EPB41: variants seen among roughly 807,000 people sequenced by gnomAD.
EPB41 encodes the protein protein 4.1.
Under a neutral mutation model 108.0 loss-of-function variants are expected in EPB41, and 65 were observed. That is an observed-to-expected ratio of 0.60 (90% CI 0.49 to 0.74). EPB41 has a LOEUF of 0.74. Among genes scored for constraint, EPB41 ranks in the 30% least tolerant of loss-of-function variants. The pLI, the probability that EPB41 is intolerant of heterozygous loss-of-function variation, is 0.00. For synonymous variants in EPB41, 336 were observed against 358.9 expected (o/e 0.94, Z 0.72); for missense variants, 875 against 1,037.0 (o/e 0.84, Z 2.15).
At chr1:29,048,785 G>A (rs1300107876) in intron 11 of EPB41, among the ~76,000 whole-genome samples, 8 of 152,038 alleles carry the variant, frequency 5.3e-5, no homozygotes, top group Non-Finnish European at 8.8e-5. Flanking sequence ...TCCAGGCACT[G>A]TTCTATCTTT....
At chr1:29,111,950 C>T (rs1669311635) in intron 18 of EPB41, among the ~76,000 whole-genome samples, 1 of 150,696 alleles carries the variant, frequency 6.6e-6, no homozygotes, top group African/African-American at 2.4e-5. Flanking sequence ...ACACTCCAGC[C>T]TGGACAACAG....
chr1:28,970,466 TTG>T (rs1273833838), intron 1 of EPB41, among the ~76,000 whole-genome samples: 1 of 152,218 alleles, frequency 6.6e-6, no homozygotes, highest in African/African-American at 2.4e-5. Flanking sequence ...TAAAACCCCT[TTG>T]TAGCTAGAAA....
intron 16 of EPB41, among the ~76,000 whole-genome samples, chr1:29,092,327 G>C (rs1661555758): frequency 1.3e-5 from 2 of 151,822 alleles, no homozygotes; most frequent in Admixed American, 6.6e-5. Flanking sequence ...CCCAACCTCA[G>C]GTGATCCGCC....
chr1:29,057,493 G>C (rs1284015194), intron 12 of EPB41, among the ~76,000 whole-genome samples: 1 of 151,144 alleles, frequency 6.6e-6, no homozygotes, highest in Non-Finnish European at 1.5e-5. Flanking sequence ...CACTAATTTT[G>C]GTGCTCTCTT....
At chr1:28,956,842 A>G (rs1340355132) in intron 1 of EPB41, among the ~76,000 whole-genome samples, 2 of 152,244 alleles carry the variant, frequency 1.3e-5, no homozygotes, top group African/African-American at 4.8e-5. Flanking sequence ...ACATGAAATA[A>G]TAGAGGACAC....
Position 29,117,371 on chromosome 1 carries a change from A to ATGCCCC in EPB41, c.*562_*567dup, listed in dbSNP as rs1671184135. The ATGCCCC allele has an allele frequency of 6.5e-6, 1 of 152,726 alleles. No individual in the cohort carries two copies. The highest frequency in any genetic ancestry group is 2.4e-5 in the African/African-American group (1 of 41,464). 9.5% of individuals were successfully genotyped at this position (152,726 alleles called of 1,614,324 possible). A position where few individuals can be genotyped will look rare whatever the true frequency, so the allele number is the denominator to read the frequency against. On this transcript the variant is annotated 3_prime_UTR_variant, in exon 21 of 21. Coordinates refer to ENST00000343067, the MANE Select transcript of EPB41 (RefSeq NM_001376013.1). ...GCCCTGATCCACAGACCTCGGAAAG[A>ATGCCCC]TGCCCCTGTTCCTTTGTTGCGGGTG...
intron 1 of EPB41, among the ~76,000 whole-genome samples, chr1:28,946,853 C>T (rs2094505145): frequency 2.0e-5 from 3 of 152,086 alleles, no homozygotes; most frequent in Admixed American, 2.0e-4. Context: ...TTCATAAGGG[C>T]AAACAAGGTA....
chr1:28,987,852 C>T lies in EPB41; in HGVS notation c.415C>T (p.Leu139Phe), dbSNP rs772686614. Residue 139 changes from leucine to phenylalanine, a missense_variant, in exon 2 of 21, where the codon CTC (leucine) becomes TTC (phenylalanine). Around this residue, in one of 3 missense-constraint regions of EPB41, gnomAD observed 353 missense variants for 393.2 expected, o/e 0.90. Coordinates refer to ENST00000343067, the MANE Select transcript of EPB41 (RefSeq NM_001376013.1). ...KAPIAAPEPE[L>F]KTDPSLDLHS... Reference sequence around the variant, plus strand: ...CCCAATTGCAGCTCCTGAACCGGAACTCAAAACAGACCCATCTTTGGATCT... The same window carrying T: ...CCCAATTGCAGCTCCTGAACCGGAATTCAAAACAGACCCATCTTTGGATCT... The T allele has an allele frequency of 1.3e-5, 21 of 1,614,110 alleles. 1 individual carries two copies. The South Asian group carries it at 2.1e-4, about 16-fold the overall frequency.
At position 29,055,033 on chromosome 1, in the gene EPB41, G is replaced by A. The variant is rs149947478; in HGVS notation, c.1845+1721G>A. On this transcript the variant is annotated intron_variant, in intron 12 of 20. Coordinates refer to ENST00000343067, the MANE Select transcript of EPB41 (RefSeq NM_001376013.1). ...AGCCTGAGTGACAGAGCAAGACTCC[G>A]TCTCAAAAAATAATAATAATAAATA... 4.4e-3 allele frequency among the ~76,000 whole-genome samples: 674 copies of A among 152,068 alleles called. 20 individuals carry two copies. Among genetic ancestry groups the A allele is most frequent in the Non-Finnish European group, 7.8e-4 (53 of 67,980 alleles).
At chr1:29,059,602 CCCA>C (rs1646155419) in intron 14 of EPB41, among the ~76,000 whole-genome samples, 3 of 151,604 alleles carry the variant, frequency 2.0e-5, no homozygotes, top group African/African-American at 4.9e-5. Flanking sequence ...ATAGGGAGAC[CCCA>C]TCTCTTCAAA....
chr1:28,985,755 G>C (rs2095857194), intron 1 of EPB41: 2 of 152,062 alleles, frequency 1.3e-5, no homozygotes, highest in Non-Finnish European at 2.9e-5. Flanking sequence ...ATCACAACCA[G>C]TTATAGATGT....
At chr1:28,907,060 C>T (rs908286977) in intron 1 of EPB41, among the ~76,000 whole-genome samples, 5 of 141,116 alleles carry the variant, frequency 3.5e-5, no homozygotes, top group African/African-American at 1.1e-4. Context: ...CGTGAGCCAC[C>T]ATGCCTGGCC....
In EPB41 at chr1:29,022,384, A is replaced by AAAG. The variant is rs1553246760; in HGVS notation, c.1124+3944_1124+3945insGAA. On this transcript the variant is annotated intron_variant, in intron 7 of 20. Coordinates refer to ENST00000343067, the MANE Select transcript of EPB41 (RefSeq NM_001376013.1). ...GCCATTGATATAATAAAAAAAAAAA[A>AAAG]AAAAAAAGAAACTGCCATTGATAAG... 3.6e-3 allele frequency among the ~76,000 whole-genome samples: 549 copies of AAAG among 151,300 alleles called. 6 individuals carry two copies. Among genetic ancestry groups the AAAG allele is most frequent in the African/African-American group, 0.012 (510 of 41,390 alleles).
At position 29,097,933 on chromosome 1, in the gene EPB41, C is replaced by G; in HGVS notation, c.2311C>G (p.Gln771Glu). 1 of 1,613,962 alleles carries G rather than the reference C, an allele frequency of 6.2e-7. No individual in the cohort carries two copies. Among genetic ancestry groups the G allele is most frequent in the Non-Finnish European group, 8.5e-7 (1 of 1,179,866 alleles). ...ETKTITYEAA[Q>E]TDDNSGDLDP... ...CAAGACCATCACTTATGAGGCTGCCCAGGTAGGACATGTTTTGATGCTTCA... is the reference window on the plus strand; with the variant it reads ...CAAGACCATCACTTATGAGGCTGCCGAGGTAGGACATGTTTTGATGCTTCA... Residue 771 changes from glutamine to glutamate, a missense_variant and splice_region_variant, in exon 17 of 21, where the codon CAG becomes GAG. Transcript: ENST00000343067.
chr1:28,906,770 C>CT (rs1331252977), intron 1 of EPB41, among the ~76,000 whole-genome samples: 1 of 142,368 alleles, frequency 7.0e-6, no homozygotes, highest in Admixed American at 7.1e-5. Flanking sequence ...CCTAACTTTT[C>CT]TTTTTTTTTC....
chr1:28,910,557 C>T (rs560824707), upstream of EPB41, among the ~76,000 whole-genome samples: 47 of 152,082 alleles, frequency 3.1e-4, no homozygotes, highest in Non-Finnish European at 4.7e-4. Context: ...ATGGTTTCCC[C>T]GCCCCTCCCC....
chr1:28,936,898 T>G (rs971422620), intron 1 of EPB41, among the ~76,000 whole-genome samples: 13 of 152,220 alleles, frequency 8.5e-5, no homozygotes, highest in African/African-American at 3.1e-4. Flanking sequence ...TTTATTTGAA[T>G]ATGTGTTTTT....
chr1:28,897,290 C>T lies in EPB41; in HGVS notation c.-8+10080C>T, dbSNP rs145333006. ...ATCACCAGGCCTGGTGGCTCACACC[C>T]GTAATCCCAACATTTTAGGAGGCTG... On this transcript the variant is annotated intron_variant, in intron 1 of 16. Transcript: ENST00000347529. 6.3e-3 allele frequency among the ~76,000 whole-genome samples: 965 copies of T among 151,978 alleles called. 11 individuals are homozygous for T. The highest frequency in any genetic ancestry group is 0.034 in the Middle Eastern group (10 of 294).
intron 1 of EPB41, among the ~76,000 whole-genome samples, chr1:28,906,003 G>C (rs1429765897): frequency 6.6e-6 from 1 of 151,980 alleles, no homozygotes; most frequent in African/African-American, 2.4e-5. Context: ...ATTTTTAGTA[G>C]AGATATGGTT....
Sources: allele counts gnomAD v4.1 joint callset (sites outside exome capture counted in the v4.1 genomes callset), GRCh38; gene constraint gnomAD v4.1.1; regional missense constraint gnomAD v4.1.1; transcripts MANE v1.5; gene names NCBI Gene and HGNC (gene_info 2026-07-23, HGNC 2026-07-21).